Variants in PCDH15 observed in about 807,000 individuals in gnomAD.
PCDH15 encodes protocadherin related 15, also known as protocadherin-15.
A neutral mutation model predicts 178.5 loss-of-function variants in PCDH15; 129 were observed. The ratio of observed to expected loss-of-function variants is 0.72; its 90% CI spans 0.63 to 0.84. The LOEUF is 0.84. Ranked by LOEUF, PCDH15 falls within the 40% of genes least tolerant of loss-of-function variation. The probability of loss-of-function intolerance (pLI) is 0.00; values close to 1 mark genes in which losing one functional copy is unlikely to be tolerated. For missense variants in PCDH15, 2,230 were observed against 2,099.9 expected (o/e 1.06, Z -1.21); for synonymous variants, 800 against 732.0 (o/e 1.09, Z -1.50).
chr10:54,924,063 T>C (rs2131846488), intron 2 of PCDH15, among the ~76,000 whole-genome samples: 1 of 138,246 alleles, frequency 7.2e-6, no homozygotes, highest in East Asian at 2.0e-4. Context: ...TACAAGCTGT[T>C]CAGGTGACAT....
intron 2 of PCDH15, among the ~76,000 whole-genome samples, chr10:55,573,721 A>G (rs1842447664): frequency 6.6e-6 from 1 of 152,006 alleles, no homozygotes; most frequent in Non-Finnish European, 1.5e-5. Context: ...CACTAAGCCA[A>G]TAAGGTATGC....
At chr10:53,875,874 G>C (rs2080192733) in intron 26 of PCDH15, among the ~76,000 whole-genome samples, 1 of 152,114 alleles carries the variant, frequency 6.6e-6, no homozygotes, top group South Asian at 2.1e-4. Flanking sequence ...GTTCCCCTCT[G>C]TTGCCTAAAT....
chr10:54,274,452 G>C (rs2132566390), intron 8 of PCDH15, among the ~76,000 whole-genome samples: 1 of 152,000 alleles, frequency 6.6e-6, no homozygotes, highest in South Asian at 2.1e-4. Context: ...CACTTTATTA[G>C]AATATGAGTT....
At chr10:54,657,658 A>G (rs576716595) in intron 2 of PCDH15, among the ~76,000 whole-genome samples, 1 of 152,324 alleles carries the variant, frequency 6.6e-6, no homozygotes, top group African/African-American at 2.4e-5. Flanking sequence ...CCCAAAACAA[A>G]GCATATCATA....
At chr10:55,171,372 T>A (rs1387568474) in intron 1 of PCDH15, among the ~76,000 whole-genome samples, 1 of 152,214 alleles carries the variant, frequency 6.6e-6, no homozygotes, top group Non-Finnish European at 1.5e-5. Context: ...ATTTCTTGAA[T>A]CTTTTTCATC....
intron 2 of PCDH15, among the ~76,000 whole-genome samples, chr10:55,380,588 G>A (rs1777677): frequency 0.6 from 91,717 of 151,824 alleles, 28,568 homozygotes; most frequent in African/African-American, 0.71. Flanking sequence ...TCTTCCAAAA[G>A]CTGAGATTTT....
At chr10:54,320,632 C>A (rs999211084) in intron 7 of PCDH15, among the ~76,000 whole-genome samples, 2 of 151,668 alleles carry the variant, frequency 1.3e-5, no homozygotes, top group Admixed American at 1.3e-4. Flanking sequence ...TAATACTGAT[C>A]TTTTATTTAA....
rs538314834 is a variant in PCDH15, at chr10:54,542,270, G to A, written c.92-14393C>T. On this transcript the variant is annotated intron_variant, in intron 2 of 37. Transcript: ENST00000644397. The stretch of plus-strand genomic sequence containing the variant: ...GGATATAACTATTTTTCACTTATGT[G>A]TGAAGCAGGAAAGTTGTTAGACATA... Among the ~76,000 whole-genome samples, 10 of 152,272 alleles carry A rather than the reference G, an allele frequency of 6.6e-5. No homozygotes were observed. The South Asian group carries it at 1.7e-3, about 25-fold the overall frequency.
At chr10:55,196,703 G>A (rs1840101998) in intron 1 of PCDH15, among the ~76,000 whole-genome samples, 1 of 151,954 alleles carries the variant, frequency 6.6e-6, no homozygotes, top group Non-Finnish European at 1.5e-5. Flanking sequence ...ACTTCTCTAA[G>A]CCAGATACAT....
intron 2 of PCDH15, among the ~76,000 whole-genome samples, chr10:55,592,491 T>C (rs755475433): frequency 3.3e-5 from 5 of 152,166 alleles, no homozygotes; most frequent in Non-Finnish European, 7.4e-5. Context: ...TAGTAAATTA[T>C]TTACCTCTCC....
rs573701532 is a variant in PCDH15 at position 54,032,578 on chromosome 10, G to A, written c.2221-9381C>T. Among the ~76,000 whole-genome samples, 17 of 151,876 alleles carry A rather than the reference G, an allele frequency of 1.1e-4. 1 individual carries two copies. In the South Asian group the frequency reaches 1.5e-3, roughly 13 times the overall value. ...ATTGCCAATTAGTATTTATAATTTT[G>A]TCTTAAAAGAAGGTATGTTTTCTGT... On this transcript the variant is annotated intron_variant, in intron 18 of 37. Coordinates refer to ENST00000644397, the MANE Select transcript of PCDH15 (RefSeq NM_001384140.1).
At chr10:55,238,824 T>A (rs945093129) in intron 1 of PCDH15, among the ~76,000 whole-genome samples, 1 of 152,156 alleles carries the variant, frequency 6.6e-6, no homozygotes, top group African/African-American at 2.4e-5. Context: ...TTAAGGTAAC[T>A]GGGGTATCTA....
chr10:54,559,064 G>C (rs867262164), intron 2 of PCDH15, among the ~76,000 whole-genome samples: 1 of 152,028 alleles, frequency 6.6e-6, no homozygotes, highest in South Asian at 2.1e-4. Context: ...GTGAAATCTC[G>C]GGGAAGACAC....
chr10:53,997,199 T>A (rs1420310599), intron 20 of PCDH15, among the ~76,000 whole-genome samples: 2 of 152,188 alleles, frequency 1.3e-5, no homozygotes, highest in Non-Finnish European at 2.9e-5. Context: ...CCATCTCTTC[T>A]ATGAAAAATA....
At chr10:54,853,073 CAATGTGGAGAAACCCCATCTCTACTAAA>C (rs2131768846) in intron 3 of PCDH15, among the ~76,000 whole-genome samples, 1 of 150,412 alleles carries the variant, frequency 6.6e-6, no homozygotes, top group African/African-American at 2.4e-5. Flanking sequence ...CCAGCCTGAC[CAATGTGGAGAAACCCCATCTCTACTAAA>C]AATACAAAAG....
At chr10:54,658,299 T>C (rs571865143) in intron 2 of PCDH15, among the ~76,000 whole-genome samples, 32 of 152,212 alleles carry the variant, frequency 2.1e-4, no homozygotes, top group African/African-American at 6.7e-4. Flanking sequence ...ATCTGTAAGA[T>C]ATTATACAAA....
intron 2 of PCDH15, among the ~76,000 whole-genome samples, chr10:54,622,678 T>A (rs1286250371): frequency 4.1e-5 from 1 of 24,160 alleles, no homozygotes; most frequent in Non-Finnish European, 8.5e-5. Flanking sequence ...TTATATATAA[T>A]ATATATTATA....
intron 2 of PCDH15, among the ~76,000 whole-genome samples, chr10:55,395,196 T>TGTGTGTGA (rs1438872191): frequency 2.4e-5 from 3 of 126,638 alleles, no homozygotes; most frequent in African/African-American, 9.6e-5. Context: ...TGTGTGTGTG[T>TGTGTGTGA]GAGAGAGAGA....
chr10:54,124,136 C>T (rs1301910499), intron 15 of PCDH15, among the ~76,000 whole-genome samples: 2 of 152,040 alleles, frequency 1.3e-5, no homozygotes, highest in South Asian at 2.1e-4. Flanking sequence ...TAAACGTGTA[C>T]ATGTACCCTT....
Sources: gnomAD v4.1 joint callset for allele counts (sites outside exome capture counted in the v4.1 genomes callset) on GRCh38, gnomAD v4.1.1 for gene constraint, MANE v1.5 for transcripts, NCBI Gene and HGNC (gene_info 2026-07-23, HGNC 2026-07-21) for gene names.